PDGFA: variants seen among roughly 807,000 people sequenced by gnomAD.
The protein encoded by PDGFA is platelet derived growth factor subunit A, also known as platelet-derived growth factor subunit A.
Under a neutral mutation model 25.6 loss-of-function variants are expected in PDGFA, and 9 were observed. The observed-to-expected ratio is 0.35, with a 90% confidence interval of 0.21 to 0.61. The LOEUF is 0.61. Ranked by LOEUF, PDGFA falls within the 20% of genes least tolerant of loss-of-function variation. The pLI, the probability that PDGFA is intolerant of heterozygous loss-of-function variation, is 0.75. For missense variants in PDGFA, 242 were observed against 272.8 expected (o/e 0.89, Z 0.79); for synonymous variants, 133 against 111.8 (o/e 1.19, Z -1.20).
chr7:510,177 G>T (rs546290210), intron 4 of PDGFA, among the ~76,000 whole-genome samples: 2 of 152,302 alleles, frequency 1.3e-5, no homozygotes, highest in African/African-American at 4.8e-5. Flanking sequence ...CCGCACTGTG[G>T]TCTAGGGCGT....
intron 4 of PDGFA, among the ~76,000 whole-genome samples, chr7:503,813 G>C (rs974420642): frequency 1.3e-5 from 2 of 152,198 alleles, no homozygotes; most frequent in Non-Finnish European, 2.9e-5. Flanking sequence ...TGCAGGGCGT[G>C]GGGCGCCTGG....
intron 1 of PDGFA, among the ~76,000 whole-genome samples, chr7:518,203 C>A (rs572099845): frequency 1.2e-4 from 18 of 152,340 alleles, no homozygotes; most frequent in Admixed American, 2.6e-4. Context: ...CCACCCTCAC[C>A]TCTGGCCTCC....
chr7:511,427 GGA>G (rs1230779249), intron 3 of PDGFA, among the ~76,000 whole-genome samples: 1 of 151,648 alleles, frequency 6.6e-6, no homozygotes, highest in Non-Finnish European at 1.5e-5. Flanking sequence ...AGTGGCTGGG[GGA>G]GGAGGGGGCC....
Position 517,383 on chromosome 7 carries a change from G to T in PDGFA, c.160+11C>A. ...CCCTCCCCGCGCGCGGAGGGAAGGG[G>T]CGCGATTTACCTACGGAGTCTATCT... On this transcript the variant is annotated intron_variant, in intron 2 of 5. Coordinates refer to ENST00000402802, the Ensembl canonical transcript of PDGFA. The surrounding 1 kb of genome is among the most constrained non-coding windows in gnomAD (Gnocchi z 7.4). The T allele has an allele frequency of 1.5e-6, 2 of 1,330,192 alleles. No individual in the cohort carries two copies. Among genetic ancestry groups the T allele is most frequent in the South Asian group, 1.6e-5 (1 of 63,248 alleles). 82.4% of individuals were successfully genotyped at this position (1,330,192 alleles called of 1,614,324 possible).
At chr7:511,338 G>GT (rs1411327992) in intron 3 of PDGFA, among the ~76,000 whole-genome samples, 1 of 41,252 alleles carries the variant, frequency 2.4e-5, no homozygotes, top group African/African-American at 6.9e-5. Flanking sequence ...ACTGGGGGTG[G>GT]GGAGAGGGGA....
rs371872917 is a variant in PDGFA, at chr7:499,597, G to A, written c.581-1023C>T. 2.3e-4 allele frequency among the ~76,000 whole-genome samples: 35 copies of A among 152,066 alleles called. No homozygotes were observed. In the East Asian group the frequency reaches 2.7e-3, roughly 12 times the overall value. On this transcript the variant is annotated intron_variant, in intron 5 of 5. Coordinates refer to ENST00000402802, the Ensembl canonical transcript of PDGFA. ...CAGGTCCCACCTCCATCTGGGAAGC[G>A]ACATGTCTTGCTAGGAGACATTTCC...
At chr7:508,587 A>AAAAAC (rs1562488341) in intron 4 of PDGFA, among the ~76,000 whole-genome samples, 1 of 148,750 alleles carries the variant, frequency 6.7e-6, no homozygotes, top group Non-Finnish European at 1.5e-5. Flanking sequence ...AAAAAAAAAA[A>AAAAAC]ATTCTCAGCT....
chr7:514,679 G>C (rs929575665), intron 2 of PDGFA, among the ~76,000 whole-genome samples: 3 of 152,222 alleles, frequency 2.0e-5, no homozygotes, highest in Non-Finnish European at 4.4e-5. Context: ...TTACTGGCCC[G>C]AGATGGGGCT....
chr7:498,222 C>T, exon 6 of PDGFA: 3 of 343,010 alleles, frequency 8.7e-6, no homozygotes, highest in Non-Finnish European at 1.6e-5. Context: ...GAGACCTCTG[C>T]ACTTCCATCC....
Position 499,725 on chromosome 7 carries a change from C to A in PDGFA, c.581-1151G>T, listed in dbSNP as rs1158462408. On this transcript the variant is annotated intron_variant, in intron 5 of 5. Coordinates refer to ENST00000402802, the Ensembl canonical transcript of PDGFA. ...TAAGGGTGTTATTTTGCCCTTCCCC[C>A]CCCCCCCCGCTCACTCCTTCTTCCA... is the stretch of plus-strand genomic sequence containing the variant. Among the ~76,000 whole-genome samples, 4 of 80,728 alleles carry A rather than the reference C, an allele frequency of 5.0e-5. 1 individual carries two copies. The highest frequency in any genetic ancestry group is 1.1e-4 in the African/African-American group (2 of 18,794). 53.0% of individuals were successfully genotyped at this position (80,728 alleles called of 152,430 possible).
chr7:512,328 C>A, intron 3 of PDGFA, 23 bp downstream of exon 3: 1 of 1,597,970 alleles, frequency 6.3e-7, no homozygotes, highest in Non-Finnish European at 8.5e-7. Flanking sequence ...CCTGCCCTGC[C>A]CATCGCGGCC....
chr7:503,330 A>T (rs2081413972), intron 4 of PDGFA, among the ~76,000 whole-genome samples: 1 of 152,162 alleles, frequency 6.6e-6, no homozygotes, highest in South Asian at 2.1e-4. Flanking sequence ...ATGCAAGAAC[A>T]GCCACTATGG....
chr7:511,164 G>T (rs1782812324), intron 3 of PDGFA, among the ~76,000 whole-genome samples, 168 bp from the exon 4 acceptor site: 1 of 151,428 alleles, frequency 6.6e-6, no homozygotes, highest in Non-Finnish European at 1.5e-5. Flanking sequence ...TAGGGGCTGG[G>T]TGGGCAGGAG....
chr7:514,813 A>G (rs1326429282), intron 2 of PDGFA, among the ~76,000 whole-genome samples: 1 of 152,258 alleles, frequency 6.6e-6, no homozygotes, highest in African/African-American at 2.4e-5. Flanking sequence ...CCGGTCATTA[A>G]AAGACCACAT....
intron 4 of PDGFA, 79 bp from the exon 5 acceptor site, chr7:501,321 G>A: frequency 6.3e-7 from 1 of 1,576,438 alleles, no homozygotes; most frequent in Non-Finnish European, 8.7e-7. Context: ...GCCGGGGACA[G>A]GCTGAGAGGG....
chr7:518,256 G>A (rs1243967018), intron 1 of PDGFA, among the ~76,000 whole-genome samples: 1 of 152,132 alleles, frequency 6.6e-6, no homozygotes, highest in African/African-American at 2.4e-5. Context: ...GGGGGTCGCT[G>A]GGGAGCCTGA....
Position 505,832 on chromosome 7 carries a change from T to C in PDGFA, c.454-4590A>G, listed in dbSNP as rs182043220. 1.8e-3 allele frequency among the ~76,000 whole-genome samples: 275 copies of C among 152,234 alleles called. 2 individuals are homozygous for C. Among genetic ancestry groups the C allele is most frequent in the African/African-American group, 6.4e-3 (267 of 41,536 alleles). On this transcript the variant is annotated intron_variant, in intron 4 of 5. Coordinates refer to ENST00000402802, the Ensembl canonical transcript of PDGFA. The stretch of plus-strand genomic sequence containing the variant: ...CGCCCCACAGCCCCACCTGGGTGTC[T>C]CTCGACAGAGACTTGGAATGTCACT...
At chr7:513,314 A>C in intron 2 of PDGFA, 1 of 152,674 alleles carries the variant, frequency 6.5e-6, no homozygotes, top group East Asian at 1.9e-4. Flanking sequence ...CCAGCTGCAC[A>C]CACCACCCCT....
chr7:503,416 G>C (rs1782434597), intron 4 of PDGFA, among the ~76,000 whole-genome samples: 1 of 152,202 alleles, frequency 6.6e-6, no homozygotes, highest in Non-Finnish European at 1.5e-5. Context: ...CACCCCCTGA[G>C]CACAGGGGCG....
Sources: allele counts gnomAD v4.1 joint callset (sites outside exome capture counted in the v4.1 genomes callset), GRCh38; gene constraint gnomAD v4.1.1; non-coding constraint Gnocchi (gnomAD v3.1); transcripts MANE v1.5; gene names NCBI Gene and HGNC (gene_info 2026-07-23, HGNC 2026-07-21).